SLTM: variants seen among roughly 807,000 people sequenced by gnomAD.
The protein encoded by SLTM is SAFB like transcription modulator.
In SLTM, 43 loss-of-function variants were observed where a neutral mutation model predicts 134.6. That is an observed-to-expected ratio of 0.32 (90% CI 0.25 to 0.41). The LOEUF (loss-of-function observed/expected upper bound fraction) is 0.41, where lower values mean the gene tolerates loss of function less well. Ranked by LOEUF, SLTM falls within the 10% of genes least tolerant of loss-of-function variation. The pLI is 1.00. For missense variants in SLTM, 1,055 were observed against 1,288.8 expected, an observed-to-expected ratio of 0.82 and a Z score of 2.78; for synonymous variants, 424 against 432.3, an observed-to-expected ratio of 0.98 and a Z score of 0.24.
At chr15:58,900,258 C>T (rs2035374185) in intron 6 of SLTM, among the ~76,000 whole-genome samples, 1 of 152,128 alleles carries the variant, frequency 6.6e-6, no homozygotes, top group Non-Finnish European at 1.5e-5. Flanking sequence ...CTCCATGTGA[C>T]AGTGACAAAA....
At position 58,880,040 on chromosome 15, in the gene SLTM, C is replaced by G. The variant is rs1412010786; in HGVS notation, c.3064G>C (p.Gly1022Arg). The change falls in exon 21 of 21, where the codon GGA (glycine) becomes CGA (arginine). Residue 1022 changes from glycine (G) to arginine (R), a missense_variant. Physicochemically the swap from Gly to Arg is moderately radical, Grantham distance 125 (BLOSUM62 -2). Around this residue, in one of 3 missense-constraint regions of SLTM, gnomAD observed 776 missense variants for 962.2 expected, o/e 0.81. Transcript: ENST00000380516. ...GGTCCACCCTTAAATGGCTTAAATC[C>G]GGAGCCACTTCCTCTTGGCATGGAA... is the stretch of plus-strand genomic sequence containing the variant. ...GNSMPRGSGS[G>R]FKPFKGGPPR... is the part of the protein sequence containing the mutation. 3.7e-6 allele frequency: 6 copies of G among 1,613,904 alleles called. No individual in the cohort carries two copies. The highest frequency in any genetic ancestry group is 1.3e-5 in the African/African-American group (1 of 74,872).
rs770379165 is a variant in SLTM, at chr15:58,899,375, C to T, written c.1058+94G>A. 5 of 951,124 alleles carry T rather than the reference C, an allele frequency of 5.3e-6. No individual in the cohort carries two copies. In the South Asian group the frequency reaches 6.0e-5, roughly 11 times the overall value. The allele number at this position is 951,124 out of a possible 1,614,324, so 58.9% of individuals were successfully genotyped here. On this transcript the variant is annotated intron_variant, in intron 7 of 20. Transcript: ENST00000380516. This position sits in a 1 kb window ranked among gnomAD's most constrained non-coding sequence, Gnocchi z 5.0. ...AGGCAGGATCATAAGACACTAATTA[C>T]TGTACATGTTCTTGAAGCCACCCCC...
chr15:58,911,352 G>A (rs1477378943), intron 5 of SLTM, among the ~76,000 whole-genome samples: 1 of 152,006 alleles, frequency 6.6e-6, no homozygotes, highest in Non-Finnish European at 1.5e-5. Flanking sequence ...ACTACCCAGA[G>A]GAAATAACTG....
At chr15:58,907,607 C>T (rs1480089004) in intron 5 of SLTM, among the ~76,000 whole-genome samples, 1 of 150,106 alleles carries the variant, frequency 6.7e-6, no homozygotes, top group African/African-American at 2.4e-5. Flanking sequence ...GACGACAGAG[C>T]AAGACCAGGT....
intron 2 of SLTM, 104 bp from the exon 3 acceptor site, chr15:58,917,103 C>G: frequency 9.6e-7 from 1 of 1,042,524 alleles, no homozygotes; most frequent in Middle Eastern, 2.1e-4. Flanking sequence ...CCCAAACTAT[C>G]TGACAAAGCT....
Position 58,916,936 on chromosome 15 carries a change from T to C in SLTM, c.314A>G (p.Lys105Arg). ...TAACCTGAGTAATTAACACTTTACC[T>C]TGATAAAAGCATCATCTTCCACAGA... Reference protein sequence around the residue: ...DASVEDDAFIKDCELENQEAH... With the variant: ...DASVEDDAFIRDCELENQEAH... Residue 105 changes from lysine to arginine, a missense_variant and splice_region_variant, in exon 3 of 21, where the codon AAG becomes AGG. Coordinates refer to ENST00000380516, the MANE Select transcript of SLTM (RefSeq NM_024755.4). 1 of 1,613,336 alleles carries C rather than the reference T, an allele frequency of 6.2e-7. No individual in the cohort carries two copies. The highest frequency in any genetic ancestry group is 8.5e-7 in the Non-Finnish European group (1 of 1,179,432).
At chr15:58,927,669 A>G (rs2037576697) in intron 2 of SLTM, among the ~76,000 whole-genome samples, 1 of 152,206 alleles carries the variant, frequency 6.6e-6, no homozygotes, top group African/African-American at 2.4e-5. Flanking sequence ...GCCATGCTCT[A>G]CACCAGGCAT....
intron 5 of SLTM, among the ~76,000 whole-genome samples, chr15:58,906,684 C>G (rs2035887320): frequency 6.6e-6 from 1 of 152,118 alleles, no homozygotes; most frequent in East Asian, 1.9e-4. Context: ...ACTTTTAAAC[C>G]ACTACTTACC....
intron 19 of SLTM, among the ~76,000 whole-genome samples, chr15:58,886,260 TGTGTG>T (rs1300596300): frequency 7.0e-6 from 1 of 143,010 alleles, no homozygotes; most frequent in Non-Finnish European, 1.5e-5. Context: ...TGTGTGTGTG[TGTGTG>T]TATTTTTTTT....
chr15:58,929,219 G>C (rs1487500721), intron 2 of SLTM, among the ~76,000 whole-genome samples: 2 of 152,224 alleles, frequency 1.3e-5, no homozygotes, highest in East Asian at 1.9e-4. Context: ...GGGAGGCCGA[G>C]GCGGGAGGAT....
intron 5 of SLTM, among the ~76,000 whole-genome samples, chr15:58,902,389 GTT>G (rs11380812): frequency 7.0e-6 from 1 of 142,792 alleles, no homozygotes; most frequent in Non-Finnish European, 1.5e-5. Context: ...TGTTTTGATT[GTT>G]TTTTTTTTTT....
At chr15:58,890,546 A>C in intron 14 of SLTM, 85 bp from the exon 15 acceptor site, 1 of 1,391,134 alleles carries the variant, frequency 7.2e-7, no homozygotes. Context: ...TTTTTCCTTG[A>C]GGTTGGCAAT....
Position 58,893,983 on chromosome 15 carries a change from G to C in SLTM, c.1486C>G (p.Gln496Glu), listed in dbSNP as rs74794523. 6.2e-7 allele frequency: 1 copy of C among 1,609,618 alleles called. No homozygotes were observed. The highest frequency in any genetic ancestry group is 8.5e-7 in the Non-Finnish European group (1 of 1,179,190). Residue 496 changes from glutamine to glutamate, a missense_variant, in exon 12 of 21, where the codon CAA (glutamine) becomes GAA (glutamate). Physicochemically the swap from Gln to Glu is conservative, Grantham distance 29 (BLOSUM62 2). Coordinates refer to ENST00000380516, the MANE Select transcript of SLTM (RefSeq NM_024755.4). ...TTCTCTTCTTTTTTGACAGAGGCTT[G>C]TGTCCTGACCATACCGCCCCAGACA... is the stretch of plus-strand genomic sequence containing the variant. The part of the protein sequence containing the change: ...KNTSDRSSKT[Q>E]ASVKKEEKRS...
Position 58,894,186 on chromosome 15 carries a change from C to T in SLTM, c.1385G>A (p.Gly462Asp), listed in dbSNP as rs748896407. The T allele has an allele frequency of 4.5e-5, 72 of 1,605,340 alleles. No individual in the cohort carries two copies. Among genetic ancestry groups the T allele is most frequent in the Non-Finnish European group, 6.0e-5 (70 of 1,175,092 alleles). Residue 462 changes from glycine (G) to aspartate (D), a missense_variant, in exon 11 of 21, where the codon GGT (glycine) becomes GAT (aspartate). Coordinates refer to ENST00000380516, the MANE Select transcript of SLTM (RefSeq NM_024755.4). ...GQLISVEKVKGDPSKKEMKKE... is the reference protein window; with the variant it reads ...GQLISVEKVKDDPSKKEMKKE... ...CTTCATTTCTTTCTTAGAGGGATCACCTTTTACCTGAAAGGTTCGAACCAG... is the reference window on the plus strand; with the variant it reads ...CTTCATTTCTTTCTTAGAGGGATCATCTTTTACCTGAAAGGTTCGAACCAG...
chr15:58,887,870 G>T (rs2140960161), intron 17 of SLTM, among the ~76,000 whole-genome samples: 1 of 152,262 alleles, frequency 6.6e-6, no homozygotes, highest in East Asian at 1.9e-4. Flanking sequence ...ATAAGAAGAG[G>T]CGGGGAGTGG....
intron 16 of SLTM, chr15:58,889,111 A>G (rs1318203960): frequency 4.3e-6 from 1 of 230,352 alleles, no homozygotes; most frequent in Non-Finnish European, 8.6e-6. Flanking sequence ...CAAGTTTATG[A>G]CTTCCATTTC....
chr15:58,924,345 GAC>G (rs1221924384), intron 2 of SLTM, among the ~76,000 whole-genome samples: 2 of 152,128 alleles, frequency 1.3e-5, no homozygotes, highest in Non-Finnish European at 2.9e-5. Flanking sequence ...ACCAGAGAAA[GAC>G]AAGACTATAA....
intron 2 of SLTM, 58 bp downstream of exon 2, chr15:58,932,298 C>T (rs1338887570): frequency 1.0e-5 from 13 of 1,247,666 alleles, no homozygotes; most frequent in Admixed American, 6.7e-5. Flanking sequence ...GGCACAAGAG[C>T]AGAGGCAAGT....
chr15:58,901,389 G>T (rs201522045), intron 5 of SLTM, 102 bp from the exon 6 acceptor site: 5 of 942,584 alleles, frequency 5.3e-6, no homozygotes, highest in Non-Finnish European at 8.1e-6. Context: ...ATAATTTAAT[G>T]ATATTATTTA....
Sources: gnomAD v4.1 joint callset for allele counts (sites outside exome capture counted in the v4.1 genomes callset) on GRCh38, gnomAD v4.1.1 for gene constraint, gnomAD v4.1.1 regional missense constraint, Gnocchi (gnomAD v3.1) non-coding constraint, MANE v1.5 for transcripts, NCBI Gene and HGNC (gene_info 2026-07-23, HGNC 2026-07-21) for gene names.